The following ANKH variants were observed in gnomAD, a reference collection of about 807,000 sequenced individuals.
ANKH encodes ANKH inorganic pyrophosphate transport regulator.
ANKH carries 15 observed loss-of-function variants against 49.0 expected under a neutral mutation model. The ratio of observed to expected loss-of-function variants is 0.31; its 90% CI spans 0.20 to 0.47. The LOEUF (loss-of-function observed/expected upper bound fraction) is 0.47, where lower values mean the gene tolerates loss of function less well. ANKH is among the 20% of genes least tolerant of loss of function. The probability of loss-of-function intolerance (pLI) is 1.00; values close to 1 mark genes in which losing one functional copy is unlikely to be tolerated. For synonymous variants in ANKH, 273 were observed against 260.0 expected (o/e 1.05, Z -0.48); for missense variants, 429 against 652.0 (o/e 0.66, Z 3.72).
intron 1 of ANKH, among the ~76,000 whole-genome samples, chr5:14,866,195 G>A (rs559291254): frequency 4.9e-4 from 74 of 152,200 alleles, no homozygotes; most frequent in African/African-American, 1.7e-3. Flanking sequence ...TAGTAGAGAC[G>A]GGGTTTCTTC....
intron 7 of ANKH, among the ~76,000 whole-genome samples, chr5:14,744,407 C>A (rs1437173197): frequency 1.3e-5 from 2 of 152,016 alleles, no homozygotes; most frequent in South Asian, 2.1e-4. Context: ...GCAGGGGAAT[C>A]CCTCACTGGT....
chr5:14,775,618 G>A (rs1425690306), intron 1 of ANKH, among the ~76,000 whole-genome samples: 1 of 152,130 alleles, frequency 6.6e-6, no homozygotes, highest in Non-Finnish European at 1.5e-5. Flanking sequence ...GTTTGAGCTG[G>A]GACCCAAAGA....
intron 2 of ANKH, among the ~76,000 whole-genome samples, chr5:14,766,222 T>C (rs1257739888): frequency 2.1e-5 from 3 of 140,154 alleles, no homozygotes; most frequent in Non-Finnish European, 3.2e-5. Context: ...CAAAACCCTA[T>C]CTCTACAAAA....
At chr5:14,812,254 T>A (rs1289852819) in intron 1 of ANKH, among the ~76,000 whole-genome samples, 1 of 152,024 alleles carries the variant, frequency 6.6e-6, no homozygotes, top group Non-Finnish European at 1.5e-5. Context: ...TTTTTTTTTT[T>A]ACCAAAATAT....
At chr5:14,723,120 T>C (rs1016485051) in intron 8 of ANKH, among the ~76,000 whole-genome samples, 1 of 152,020 alleles carries the variant, frequency 6.6e-6, no homozygotes, top group Admixed American at 6.6e-5. Context: ...GGAAGCATGA[T>C]GACTAGACAT....
chr5:14,731,180 G>C lies in ANKH; in HGVS notation c.1011+10647C>G, dbSNP rs1231998094. 5.3e-5 allele frequency among the ~76,000 whole-genome samples: 8 copies of C among 152,194 alleles called. No individual in the cohort carries two copies. In the South Asian group the frequency reaches 1.0e-3, roughly 20 times the overall value. On this transcript the variant is annotated intron_variant, in intron 8 of 11. Coordinates refer to ENST00000284268, the MANE Select transcript of ANKH (RefSeq NM_054027.6). ...CTGTTGGCGGATGGGTGGCTACTGA[G>C]AGGGCTCATTTCCTGAGGATCTTTA...
At chr5:14,750,921 G>T in intron 5 of ANKH, 148 bp downstream of exon 5, 1 of 901,208 alleles carries the variant, frequency 1.1e-6, no homozygotes, top group Non-Finnish European at 1.8e-6. Flanking sequence ...GTCTTTCCCT[G>T]CAGACATCTA....
Position 14,716,776 on chromosome 5 carries a change from G to A in ANKH, c.1071C>T (p.Ile357=), listed in dbSNP as rs886060088. The stretch of plus-strand genomic sequence containing the variant: ...GTTCTGCAAAGGCAAAGTCCACTCC[G>A]ATGATGTCTATCAAGATTTTCTCAG... ...NVSEKILIDI[I]GVDFAFAELC... The change falls in exon 9 of 12, where the codon ATC becomes ATT. Residue 357 remains isoleucine (I), a synonymous_variant. Coordinates refer to ENST00000284268, the MANE Select transcript of ANKH (RefSeq NM_054027.6). The A allele has an allele frequency of 9.9e-6, 16 of 1,614,092 alleles. No individual in the cohort carries two copies. Among genetic ancestry groups the A allele is most frequent in the Middle Eastern group, 1.6e-4 (1 of 6,062 alleles).
At position 14,718,807 on chromosome 5, in the gene ANKH, G is replaced by A. The variant is rs567614023; in HGVS notation, c.1012-1972C>T. The stretch of plus-strand genomic sequence containing the variant: ...GCACTCCAGCCTGGGCAACAAAAGC[G>A]AAACTCCATCCTCCCAACACCACCC... On this transcript the variant is annotated intron_variant, in intron 8 of 11. Coordinates refer to ENST00000284268, the MANE Select transcript of ANKH (RefSeq NM_054027.6). Among the ~76,000 whole-genome samples the A allele has an allele frequency of 8.0e-5, 10 of 124,732 alleles. No individual in the cohort carries two copies. In the South Asian group the frequency reaches 1.4e-3, roughly 17 times the overall value. The allele number at this position is 124,732 out of a possible 152,430, so 81.8% of individuals were successfully genotyped here.
chr5:14,751,373 A>G, intron 4 of ANKH, 134 bp from the exon 5 acceptor site: 1 of 864,462 alleles, frequency 1.2e-6, no homozygotes, highest in East Asian at 2.7e-5. Flanking sequence ...CAGAACCAAA[A>G]ATTGGATGAT....
intron 1 of ANKH, among the ~76,000 whole-genome samples, chr5:14,825,334 T>G (rs1176293441): frequency 2.0e-5 from 3 of 152,166 alleles, no homozygotes; most frequent in African/African-American, 7.2e-5. Flanking sequence ...TTTAAATATC[T>G]ACTTCTTGGT....
chr5:14,725,124 G>T lies in ANKH; in HGVS notation c.1012-8289C>A, dbSNP rs62344904. On this transcript the variant is annotated intron_variant, in intron 8 of 11. Transcript: ENST00000284268. The surrounding 1 kb of genome is among the most constrained non-coding windows in gnomAD (Gnocchi z 4.0). ...TGGTTAGCCCTCGGCAACACAAAGTGTGAAGAGGAGGTTAGGGCTTGGCAC... is the reference window on the plus strand; with the variant it reads ...TGGTTAGCCCTCGGCAACACAAAGTTTGAAGAGGAGGTTAGGGCTTGGCAC... Among the ~76,000 whole-genome samples the T allele has an allele frequency of 1.7e-3, 262 of 152,306 alleles. 2 individuals carry two copies. Among genetic ancestry groups the T allele is most frequent in the Non-Finnish European group, 2.8e-3 (191 of 68,032 alleles).
intron 1 of ANKH, among the ~76,000 whole-genome samples, chr5:14,846,828 C>T (rs1403329911): frequency 6.6e-6 from 1 of 151,724 alleles, no homozygotes; most frequent in African/African-American, 2.4e-5. Flanking sequence ...TGCGTCTCTA[C>T]TAAAAACACA....
chr5:14,869,568 G>T (rs988642915), intron 1 of ANKH: 1 of 152,232 alleles, frequency 6.6e-6, no homozygotes, highest in Non-Finnish European at 1.5e-5. Flanking sequence ...AATGTTTTAA[G>T]GATGAGTTAG....
At chr5:14,712,471 C>T (rs1561017451) in intron 11 of ANKH, among the ~76,000 whole-genome samples, 1 of 152,276 alleles carries the variant, frequency 6.6e-6, no homozygotes, top group African/African-American at 2.4e-5. Context: ...TGCCCGAGCT[C>T]CTGTCTTGGA....
chr5:14,777,552 G>A (rs549279259), intron 1 of ANKH, among the ~76,000 whole-genome samples: 12 of 152,278 alleles, frequency 7.9e-5, no homozygotes, highest in African/African-American at 2.6e-4. Flanking sequence ...TAAAAGAGAC[G>A]CCAACATTGT....
intron 8 of ANKH, among the ~76,000 whole-genome samples, chr5:14,720,754 C>T (rs1279058945): frequency 6.6e-6 from 1 of 152,228 alleles, no homozygotes; most frequent in Non-Finnish European, 1.5e-5. Context: ...GAACCATTAG[C>T]ATGCTTTACT....
chr5:14,769,624 G>GGTGT (rs35815515), intron 1 of ANKH, among the ~76,000 whole-genome samples: 7 of 150,718 alleles, frequency 4.6e-5, no homozygotes, highest in African/African-American at 1.7e-4. Flanking sequence ...AAGAAGGGGT[G>GGTGT]GTGTGTGTGT....
At chr5:14,820,751 A>C (rs1252609044) in intron 1 of ANKH, among the ~76,000 whole-genome samples, 2 of 152,216 alleles carry the variant, frequency 1.3e-5, no homozygotes, top group Non-Finnish European at 2.9e-5. Flanking sequence ...GGGGAGCTTA[A>C]CTAAAGTTTG....
Sources: gnomAD v4.1 joint callset for allele counts (sites outside exome capture counted in the v4.1 genomes callset) on GRCh38, gnomAD v4.1.1 for gene constraint, Gnocchi (gnomAD v3.1) non-coding constraint, MANE v1.5 for transcripts, NCBI Gene and HGNC (gene_info 2026-07-23, HGNC 2026-07-21) for gene names.